Variants in EARS2 observed in about 807,000 individuals in gnomAD.
The protein encoded by EARS2 is glutamyl-tRNA synthetase 2, mitochondrial.
EARS2 carries 50 observed loss-of-function variants against 54.1 expected under a neutral mutation model. The ratio of observed to expected loss-of-function variants is 0.92; its 90% CI spans 0.74 to 1.17. EARS2 has a LOEUF of 1.17. Among genes scored for constraint, EARS2 ranks in the 50% most tolerant of loss-of-function variants. EARS2 has a pLI of 0.00. For missense variants in EARS2, 673 were observed against 675.0 expected, an observed-to-expected ratio of 1.00 and a Z score of 0.03; for synonymous variants, 298 against 281.0, an observed-to-expected ratio of 1.06 and a Z score of -0.61.
At chr16:23,537,293 T>C (rs892311342) in intron 3 of EARS2, 11 of 156,420 alleles carry the variant, frequency 7.0e-5, no homozygotes, top group South Asian at 5.3e-4. Context: ...GGTTTCACCA[T>C]GTTGCCCAGG....
intron 3 of EARS2, among the ~76,000 whole-genome samples, chr16:23,536,434 G>A (rs889975576): frequency 6.6e-6 from 1 of 151,976 alleles, no homozygotes; most frequent in Non-Finnish European, 1.5e-5. Context: ...GCAAAATCCT[G>A]TCTCTTATTT....
At chr16:23,526,437 C>T (rs1185940195) in intron 7 of EARS2, among the ~76,000 whole-genome samples, 3 of 152,028 alleles carry the variant, frequency 2.0e-5, no homozygotes, top group Admixed American at 6.6e-5. Flanking sequence ...TATTACATTT[C>T]GTATTTGAAT....
chr16:23,557,258 A>C lies in EARS2; in HGVS notation c.86T>G (p.Leu29Arg). Residue 29 changes from leucine to arginine, a missense_variant, in exon 1 of 9, where the codon CTG (leucine) becomes CGG (arginine). Around this residue, in one of 3 missense-constraint regions of EARS2, gnomAD observed 316 missense variants for 275.2 expected, o/e 1.15. Transcript: ENST00000449606. ...GRPVGRREAN[L>R]GTDAGVAVRV... ...CACCGCAACCCCGGCATCAGTGCCCAGGTTGGCCTCGCGCCGTCCTACGGG... is the reference window on the plus strand; with the variant it reads ...CACCGCAACCCCGGCATCAGTGCCCCGGTTGGCCTCGCGCCGTCCTACGGG... 1 of 1,523,610 alleles carries C rather than the reference A, an allele frequency of 6.6e-7. No homozygotes were observed. Among genetic ancestry groups the C allele is most frequent in the Non-Finnish European group, 8.7e-7 (1 of 1,145,602 alleles). The allele number at this position is 1,523,610 out of a possible 1,614,324, so 94.4% of individuals were successfully genotyped here. A position where few individuals can be genotyped will look rare whatever the true frequency, so the allele number is the denominator to read the frequency against.
intron 2 of EARS2, among the ~76,000 whole-genome samples, chr16:23,548,993 C>A (rs1965651040): frequency 6.6e-6 from 1 of 152,162 alleles, no homozygotes; most frequent in Non-Finnish European, 1.5e-5. Flanking sequence ...CAATAAAATT[C>A]TTCTCTGCCT....
intron 5 of EARS2, among the ~76,000 whole-genome samples, chr16:23,531,113 G>A (rs1012354550): frequency 3.4e-5 from 5 of 148,978 alleles, no homozygotes; most frequent in Non-Finnish European, 5.9e-5. Context: ...TGGCCAGGCT[G>A]ATCTCGACTC....
In EARS2 at chr16:23,529,891, G is replaced by A. The variant is rs1421792903; in HGVS notation, c.1074C>T (p.His358=). The A allele has an allele frequency of 2.5e-6, 4 of 1,614,054 alleles. No homozygotes were observed. Among genetic ancestry groups the A allele is most frequent in the South Asian group, 1.1e-5 (1 of 91,078 alleles). ...LEKLPEFNRL[H]LQRLVSNESQ... ...TCTCATTGCTCACCAGCCGCTGGAGGTGCAGTCTGCGGAAGAAATCAAGGG... is the reference window on the plus strand; with the variant it reads ...TCTCATTGCTCACCAGCCGCTGGAGATGCAGTCTGCGGAAGAAATCAAGGG... Residue 358 remains histidine, a synonymous_variant, in exon 6 of 9, where the codon CAC becomes CAT. Coordinates refer to ENST00000449606, the MANE Select transcript of EARS2 (RefSeq NM_001083614.2).
At chr16:23,554,691 CCAAGA>C (rs966354524) in intron 1 of EARS2, among the ~76,000 whole-genome samples, 4 of 152,156 alleles carry the variant, frequency 2.6e-5, no homozygotes, top group Non-Finnish European at 4.4e-5. Context: ...CCACGAGTCC[CCAAGA>C]CAAAAGAGGA....
At chr16:23,533,505 G>T (rs1965360648) in intron 4 of EARS2, among the ~76,000 whole-genome samples, 1 of 152,086 alleles carries the variant, frequency 6.6e-6, no homozygotes, top group African/African-American at 2.4e-5. Context: ...ATTCCACTTT[G>T]CCCAAAGGGA....
chr16:23,522,273 T>C lies in EARS2; in HGVS notation c.*2098A>G, dbSNP rs1965151715. 6.1e-6 allele frequency: 1 copy of C among 163,106 alleles called. No homozygotes were observed. The highest frequency in any genetic ancestry group is 2.4e-5 in the African/African-American group (1 of 41,746). The allele number at this position is 163,106 out of a possible 1,614,324, so 10.1% of individuals were successfully genotyped here. A position where few individuals can be genotyped will look rare whatever the true frequency, so the allele number is the denominator to read the frequency against. ...CTACCTATTACTGGCCAAGGAATGG[T>C]AGCAGGACCTCAGATAGCCCAACAG... is the stretch of plus-strand genomic sequence containing the variant. On this transcript the variant is annotated 3_prime_UTR_variant, in exon 9 of 9. Coordinates refer to ENST00000449606, the MANE Select transcript of EARS2 (RefSeq NM_001083614.2).
intron 7 of EARS2, 25 bp from the exon 8 acceptor site, chr16:23,525,404 G>A (rs779127844): frequency 6.3e-7 from 1 of 1,598,108 alleles, no homozygotes; most frequent in Non-Finnish European, 8.5e-7. Context: ...CCAGTTTACA[G>A]GGCCTGCATG....
intron 4 of EARS2, among the ~76,000 whole-genome samples, chr16:23,534,520 G>A (rs991577629): frequency 1.3e-5 from 2 of 152,176 alleles, no homozygotes; most frequent in African/African-American, 2.4e-5. Context: ...CACAATCATA[G>A]GGTCTGTCAT....
At chr16:23,554,045 T>A (rs1965737867) in intron 1 of EARS2, among the ~76,000 whole-genome samples, 1 of 152,206 alleles carries the variant, frequency 6.6e-6, no homozygotes, top group Non-Finnish European at 1.5e-5. Context: ...GGGGTCTCAC[T>A]CTTGCCCAGG....
Position 23,552,190 on chromosome 16 carries a change from G to C in EARS2, c.254C>G (p.Pro85Arg). 1 of 1,614,140 alleles carries C rather than the reference G, an allele frequency of 6.2e-7. No homozygotes were observed. The highest frequency in any genetic ancestry group is 1.1e-5 in the South Asian group (1 of 91,078). Residue 85 changes from proline (P) to arginine (R), a missense_variant, in exon 2 of 9, where the codon CCT (proline) becomes CGT (arginine). Pro to Arg is a moderately radical substitution (Grantham distance 103). Transcript: ENST00000449606. ...LEDTDQTRVV[P>R]GAAENIEDML... The stretch of plus-strand genomic sequence containing the variant: ...GTCCTCAATATTCTCCGCTGCCCCA[G>C]GCACAACGCGAGTCTGATCTGTGTC...
intron 3 of EARS2, among the ~76,000 whole-genome samples, chr16:23,541,317 A>T (rs1276881493): frequency 1.3e-5 from 2 of 152,164 alleles, no homozygotes; most frequent in Non-Finnish European, 2.9e-5. Context: ...ATAGAGCAAG[A>T]CTCCATTTCT....
Position 23,557,209 on chromosome 16 carries a change from G to A in EARS2, c.135C>T (p.Pro45=). ...CGTCACGTCCGCCAGGGTTACCTGTGGGGCTGGGAGCGAACCGCACTCGCA... is the reference window on the plus strand; with the variant it reads ...CGTCACGTCCGCCAGGGTTACCTGTAGGGCTGGGAGCGAACCGCACTCGCA... ...VAVRVRFAPS[P]TGFLHLGGLR... is the part of the protein sequence containing the mutation. Residue 45 remains proline, a synonymous_variant, in exon 1 of 9, where the codon CCC becomes CCT. Coordinates refer to ENST00000449606, the MANE Select transcript of EARS2 (RefSeq NM_001083614.2). The A allele has an allele frequency of 6.6e-6, 10 of 1,511,644 alleles. No individual in the cohort carries two copies. The highest frequency in any genetic ancestry group is 1.3e-5 in the South Asian group (1 of 77,116). 93.6% of individuals were successfully genotyped at this position (1,511,644 alleles called of 1,614,324 possible).
At chr16:23,532,587 C>A in intron 5 of EARS2, 70 bp downstream of exon 5, 1 of 1,150,604 alleles carries the variant, frequency 8.7e-7, no homozygotes, top group East Asian at 2.4e-5. Flanking sequence ...CCATTATACC[C>A]TCTGCTGTAG....
chr16:23,552,616 A>G (rs1965715116), intron 1 of EARS2, among the ~76,000 whole-genome samples: 1 of 152,178 alleles, frequency 6.6e-6, no homozygotes, highest in Non-Finnish European at 1.5e-5. Flanking sequence ...CAGCCTCCCG[A>G]GTAGCTGGGA....
intron 7 of EARS2, among the ~76,000 whole-genome samples, chr16:23,528,345 A>C (rs960782119): frequency 3.3e-5 from 5 of 152,238 alleles, no homozygotes; most frequent in Non-Finnish European, 7.3e-5. Context: ...CCCCAATGGC[A>C]CTGCAGGGAA....
intron 1 of EARS2, among the ~76,000 whole-genome samples, chr16:23,556,242 A>T (rs1315216879): frequency 2.0e-5 from 3 of 152,108 alleles, no homozygotes; most frequent in Non-Finnish European, 4.4e-5. Flanking sequence ...AAAGGCCCTG[A>T]CGAGATCTCC....
Sources: gnomAD v4.1 joint callset for allele counts (sites outside exome capture counted in the v4.1 genomes callset) on GRCh38, gnomAD v4.1.1 for gene constraint, gnomAD v4.1.1 regional missense constraint, MANE v1.5 for transcripts, NCBI Gene and HGNC (gene_info 2026-07-23, HGNC 2026-07-21) for gene names.